The following PRKD1 variants were observed in gnomAD, a reference collection of about 807,000 sequenced individuals.
PRKD1 encodes protein kinase D1, also known as serine/threonine-protein kinase D1.
In PRKD1, 63 loss-of-function variants were observed where a neutral mutation model predicts 95.9. The observed-to-expected ratio is 0.66, with a 90% CI of 0.54 to 0.81. PRKD1 has a LOEUF of 0.81. PRKD1 is among the 30% of genes least tolerant of loss of function. The probability of loss-of-function intolerance (pLI) is 0.00; values close to 1 mark genes in which losing one functional copy is unlikely to be tolerated. For missense variants in PRKD1, 1,048 were observed against 1,165.3 expected, an observed-to-expected ratio of 0.90 and a Z score of 1.47; for synonymous variants, 425 against 423.1, an observed-to-expected ratio of 1.00 and a Z score of -0.05.
At chr14:29,875,390 A>G (rs1457235895) in intron 1 of PRKD1, among the ~76,000 whole-genome samples, 1 of 152,234 alleles carries the variant, frequency 6.6e-6, no homozygotes, top group Non-Finnish European at 1.5e-5. Flanking sequence ...CAAGTGATTC[A>G]ATATCATAAT....
At chr14:29,881,310 T>G (rs1893503817) in intron 1 of PRKD1, among the ~76,000 whole-genome samples, 2 of 152,194 alleles carry the variant, frequency 1.3e-5, no homozygotes, top group African/African-American at 4.8e-5. Flanking sequence ...CTTCCACTTT[T>G]GCTCCTCCCT....
chr14:29,594,455 C>T (rs985478496), intron 16 of PRKD1, among the ~76,000 whole-genome samples: 3 of 152,128 alleles, frequency 2.0e-5, no homozygotes, highest in Non-Finnish European at 2.9e-5. Flanking sequence ...TTATAGATGC[C>T]TTTCATAACC....
intron 2 of PRKD1, among the ~76,000 whole-genome samples, chr14:29,671,430 A>AAAGAGAACAGAAGGC (rs1882836012): frequency 1.3e-5 from 2 of 152,250 alleles, no homozygotes; most frequent in Admixed American, 1.3e-4. Context: ...TTAAAAGCTA[A>AAAGAGAACAGAAGGC]AAGAGAACAG....
chr14:29,717,614 A>T (rs1022045653), intron 2 of PRKD1, among the ~76,000 whole-genome samples: 1 of 152,160 alleles, frequency 6.6e-6, no homozygotes, highest in African/African-American at 2.4e-5. Flanking sequence ...TATCATAAAT[A>T]TATTACCATC....
chr14:29,851,156 A>G (rs550168234), intron 1 of PRKD1, among the ~76,000 whole-genome samples: 1 of 152,306 alleles, frequency 6.6e-6, no homozygotes, highest in South Asian at 2.1e-4. Context: ...CCGTCTTGAC[A>G]TTGGCCTGGG....
chr14:29,855,200 GCAC>G lies in PRKD1; in HGVS notation c.264+72046_264+72048del, dbSNP rs559523309. Among the ~76,000 whole-genome samples the G allele has an allele frequency of 1.1e-3, 169 of 152,244 alleles. 1 individual carries two copies. The highest frequency in any genetic ancestry group is 3.9e-3 in the African/African-American group (164 of 41,538). On this transcript the variant is annotated intron_variant, in intron 1 of 17. Coordinates refer to ENST00000331968, the MANE Select transcript of PRKD1 (RefSeq NM_002742.3). Reference sequence around the variant, plus strand: ...TAAATCCATTGACAGCTTGCACTGTGCACCTGGAAAAGCCACACACACTCAATG... The same window carrying G: ...TAAATCCATTGACAGCTTGCACTGTGCTGGAAAAGCCACACACACTCAATG...
At chr14:29,822,959 A>C (rs1890973978) in intron 1 of PRKD1, among the ~76,000 whole-genome samples, 1 of 152,248 alleles carries the variant, frequency 6.6e-6, no homozygotes, top group African/African-American at 2.4e-5. Flanking sequence ...TAAAGCCAAA[A>C]GTAAATTAAC....
At chr14:29,594,288 T>C in intron 16 of PRKD1, 1 of 312,310 alleles carries the variant, frequency 3.2e-6, no homozygotes, top group Non-Finnish European at 6.3e-6. Flanking sequence ...GAAAAAAAAA[T>C]ACATTACAAC....
At chr14:29,705,927 T>C (rs550274036) in intron 2 of PRKD1, among the ~76,000 whole-genome samples, 1 of 152,294 alleles carries the variant, frequency 6.6e-6, no homozygotes, top group Admixed American at 6.5e-5. Flanking sequence ...ACTATGAATA[T>C]TTGTGTATAA....
chr14:29,611,362 T>A (rs1878444777), intron 13 of PRKD1, among the ~76,000 whole-genome samples: 1 of 152,000 alleles, frequency 6.6e-6, no homozygotes, highest in South Asian at 2.1e-4. Context: ...CAATAAAACC[T>A]CAACGAAATC....
chr14:29,636,218 A>G, intron 7 of PRKD1, 72 bp downstream of exon 7: 1 of 1,528,312 alleles, frequency 6.5e-7, no homozygotes, highest in Non-Finnish European at 9.1e-7. Flanking sequence ...CTATTAAAAT[A>G]TCAAAGAGGT....
At chr14:29,647,507 GACAGTAATTTTAGAGGTAAATAT>G (rs1008872449) in intron 4 of PRKD1, among the ~76,000 whole-genome samples, 3 of 152,130 alleles carry the variant, frequency 2.0e-5, no homozygotes, top group Non-Finnish European at 2.9e-5. Context: ...GAAAACCAAG[GACAGTAATTTTAGAGGTAAATAT>G]TCCCATAGTA....
At chr14:29,600,745 G>A (rs1307378457) in intron 13 of PRKD1, among the ~76,000 whole-genome samples, 2 of 152,088 alleles carry the variant, frequency 1.3e-5, no homozygotes, top group East Asian at 3.9e-4. Flanking sequence ...ACTAGTAATG[G>A]TAAGCAGCAT....
At chr14:29,744,311 G>A (rs1218064688) in intron 1 of PRKD1, among the ~76,000 whole-genome samples, 1 of 152,076 alleles carries the variant, frequency 6.6e-6, no homozygotes, top group Admixed American at 6.6e-5. Context: ...AGAAACCCTG[G>A]ATTTATCTTT....
rs1892421868 is a variant in PRKD1, at chr14:29,854,435, G to C, written c.264+72814C>G. 2.0e-5 allele frequency among the ~76,000 whole-genome samples: 3 copies of C among 152,164 alleles called. No homozygotes were observed. The South Asian group carries it at 6.2e-4, about 32-fold the overall frequency. Reference sequence around the variant, plus strand: ...CTGCCCTAGAGATGTGTGGAACTTTGAACTTGAGGGAAATGATATAGGGTA... The same window carrying C: ...CTGCCCTAGAGATGTGTGGAACTTTCAACTTGAGGGAAATGATATAGGGTA... On this transcript the variant is annotated intron_variant, in intron 1 of 17. Coordinates refer to ENST00000331968, the MANE Select transcript of PRKD1 (RefSeq NM_002742.3).
chr14:29,919,617 T>G (rs370747475), intron 1 of PRKD1, among the ~76,000 whole-genome samples: 2 of 152,174 alleles, frequency 1.3e-5, no homozygotes, highest in East Asian at 1.9e-4. Context: ...ATGTTTTGAA[T>G]AGTTGTAAGG....
At chr14:29,914,726 T>C (rs541411818) in intron 1 of PRKD1, among the ~76,000 whole-genome samples, 1 of 151,628 alleles carries the variant, frequency 6.6e-6, no homozygotes, top group East Asian at 2.0e-4. Flanking sequence ...CAACACTCCA[T>C]CTCTAAATAA....
intron 1 of PRKD1, among the ~76,000 whole-genome samples, chr14:29,811,423 T>C (rs549442109): frequency 2.7e-4 from 41 of 152,142 alleles, no homozygotes; most frequent in Non-Finnish European, 4.6e-4. Context: ...ACAACTCTAC[T>C]GCTCGAGCCC....
chr14:29,577,289 C>T lies in PRKD1; in HGVS notation c.2688G>A (p.Glu896=). The T allele has an allele frequency of 1.2e-6, 2 of 1,613,816 alleles. No homozygotes were observed. Residue 896 remains glutamate, a synonymous_variant, in exon 18 of 18, where the codon GAG becomes GAA. Transcript: ENST00000331968. ...NPSASHSDTP[E]TEETEMKALG... ...GGGCTTTCATTTCTGTTTCTTCAGT[C>T]TCAGGAGTGTCACTGTGGCTAGCAC...
Sources: gnomAD v4.1 joint callset for allele counts (sites outside exome capture counted in the v4.1 genomes callset) on GRCh38, gnomAD v4.1.1 for gene constraint, MANE v1.5 for transcripts, NCBI Gene and HGNC (gene_info 2026-07-23, HGNC 2026-07-21) for gene names.